Variants in VPS13B observed in about 807,000 individuals in gnomAD.
VPS13B encodes vacuolar protein sorting 13 homolog B.
In VPS13B, 285 loss-of-function variants were observed where a neutral mutation model predicts 426.4. That is an observed-to-expected ratio of 0.67 (90% CI 0.61 to 0.74). VPS13B has a LOEUF of 0.74. Among genes scored for constraint, VPS13B ranks in the 30% least tolerant of loss-of-function variants. VPS13B has a pLI of 0.00. For missense variants in VPS13B, 4,537 were observed against 4,782.6 expected (o/e 0.95, Z 1.51); for synonymous variants, 1,676 against 1,676.4 (o/e 1.00, Z 0.01).
intron 39 of VPS13B, among the ~76,000 whole-genome samples, chr8:99,740,413 A>G (rs1232172404): frequency 6.6e-6 from 1 of 152,254 alleles, no homozygotes; most frequent in African/African-American, 2.4e-5. Flanking sequence ...GATATTATCC[A>G]GGAGAACTTC....
At chr8:99,618,082 C>T (rs182877374) in intron 33 of VPS13B, among the ~76,000 whole-genome samples, 8 of 152,014 alleles carry the variant, frequency 5.3e-5, no homozygotes, top group African/African-American at 1.2e-4. Context: ...CAGTTTGCTC[C>T]GTCAGTACCA....
rs918426173 is a variant in VPS13B, at chr8:99,078,856, C to T, written c.292-17456C>T. Among the ~76,000 whole-genome samples the T allele has an allele frequency of 6.6e-5, 10 of 152,074 alleles. No individual in the cohort carries two copies. The South Asian group carries it at 2.1e-3, about 32-fold the overall frequency. ...CATAGGTGAGTGCTGGTGATAGTGG[C>T]AAACTGAGCAAGTTGGTATATAGGC... On this transcript the variant is annotated intron_variant, in intron 3 of 61. Transcript: ENST00000357162.
chr8:99,362,707 G>C (rs78359343), intron 19 of VPS13B, among the ~76,000 whole-genome samples: 3,319 of 152,244 alleles, frequency 0.022, 129 homozygotes, highest in African/African-American at 0.076. Flanking sequence ...TTAAAAATCT[G>C]TTCATCTGCT....
chr8:99,611,108 A>G (rs1827829981), intron 33 of VPS13B, among the ~76,000 whole-genome samples: 1 of 152,320 alleles, frequency 6.6e-6, no homozygotes, highest in African/African-American at 2.4e-5. Flanking sequence ...ATTCATTTGA[A>G]CAACTTAAAG....
chr8:99,249,391 A>G (rs1488933803), intron 17 of VPS13B, among the ~76,000 whole-genome samples: 1 of 150,936 alleles, frequency 6.6e-6, no homozygotes, highest in Non-Finnish European at 1.5e-5. Context: ...ACTAATGCCT[A>G]AGAGTACAGT....
intron 23 of VPS13B, among the ~76,000 whole-genome samples, chr8:99,456,228 G>A (rs1563739779): frequency 1.3e-5 from 2 of 152,084 alleles, no homozygotes; most frequent in African/African-American, 4.8e-5. Flanking sequence ...GAGTGTAGTG[G>A]CACAATCTCG....
At chr8:99,158,475 A>G (rs557332338) in intron 15 of VPS13B, among the ~76,000 whole-genome samples, 10 of 152,234 alleles carry the variant, frequency 6.6e-5, no homozygotes, top group African/African-American at 2.2e-4. Context: ...AGAGGTTGCA[A>G]TGAGCCAAGA....
At chr8:99,068,818 C>G (rs1353504873) in intron 3 of VPS13B, among the ~76,000 whole-genome samples, 3 of 152,156 alleles carry the variant, frequency 2.0e-5, no homozygotes, top group African/African-American at 7.2e-5. Context: ...AGTCACCTCC[C>G]ACCAGGTCCC....
intron 42 of VPS13B, among the ~76,000 whole-genome samples, chr8:99,781,865 T>A (rs1006785533): frequency 6.6e-6 from 1 of 152,156 alleles, no homozygotes; most frequent in Non-Finnish European, 1.5e-5. Context: ...CATATCCCTT[T>A]CTTCATGTCT....
chr8:99,128,293 A>G (rs1427299814), intron 8 of VPS13B, among the ~76,000 whole-genome samples: 1 of 145,846 alleles, frequency 6.9e-6, no homozygotes, highest in Non-Finnish European at 1.5e-5. Flanking sequence ...AGGCTGAAGC[A>G]GGAGAATTGC....
chr8:99,273,312 C>G (rs1031353916), intron 17 of VPS13B, among the ~76,000 whole-genome samples: 2 of 146,828 alleles, frequency 1.4e-5, no homozygotes, highest in East Asian at 4.0e-4. Flanking sequence ...GCGCATGCCA[C>G]CACGCCCAGC....
intron 43 of VPS13B, among the ~76,000 whole-genome samples, chr8:99,798,663 C>T (rs1271310604): frequency 3.9e-5 from 6 of 152,100 alleles, no homozygotes; most frequent in South Asian, 2.1e-4. Context: ...GCTGCTGGTG[C>T]GGCTAATGGT....
chr8:99,265,755 T>C (rs1818260745), intron 17 of VPS13B, among the ~76,000 whole-genome samples: 1 of 152,190 alleles, frequency 6.6e-6, no homozygotes, highest in Admixed American at 6.5e-5. Flanking sequence ...TTTTTAATTC[T>C]TATATTTCTG....
chr8:99,845,401 A>T (rs1372571102), intron 54 of VPS13B, among the ~76,000 whole-genome samples: 1 of 152,146 alleles, frequency 6.6e-6, no homozygotes, highest in Non-Finnish European at 1.5e-5. Context: ...ACTTCTCAAG[A>T]TTCTGAGGAA....
chr8:99,152,512 G>C (rs1488781661), intron 14 of VPS13B, among the ~76,000 whole-genome samples: 2 of 152,160 alleles, frequency 1.3e-5, no homozygotes, highest in Non-Finnish European at 2.9e-5. Flanking sequence ...ATTATATCTG[G>C]TTGATTATAA....
intron 19 of VPS13B, among the ~76,000 whole-genome samples, chr8:99,316,433 C>T (rs756651789): frequency 6.6e-6 from 1 of 152,108 alleles, no homozygotes; most frequent in Non-Finnish European, 1.5e-5. Flanking sequence ...GGCCTCAGGG[C>T]GTTTGGGACA....
At chr8:99,209,688 C>T (rs570581671) in intron 17 of VPS13B, 431 of 988,922 alleles carry the variant, frequency 4.4e-4, no homozygotes, top group Non-Finnish European at 4.7e-4. Flanking sequence ...ATTGGAGGCC[C>T]AAGCCACTGT....
intron 19 of VPS13B, among the ~76,000 whole-genome samples, chr8:99,299,467 T>G (rs890323785): frequency 6.6e-6 from 1 of 152,220 alleles, no homozygotes; most frequent in African/African-American, 2.4e-5. Flanking sequence ...GTAGTGCAGT[T>G]TTTTGGCAAA....
chr8:99,359,033 A>G (rs1241392961), intron 19 of VPS13B, among the ~76,000 whole-genome samples: 2 of 152,182 alleles, frequency 1.3e-5, no homozygotes, highest in African/African-American at 2.4e-5. Context: ...ACTCTAGTAG[A>G]TACAACTTTT....
Sources: allele counts gnomAD v4.1 joint callset (sites outside exome capture counted in the v4.1 genomes callset), GRCh38; gene constraint gnomAD v4.1.1; transcripts MANE v1.5; gene names NCBI Gene and HGNC (gene_info 2026-07-23, HGNC 2026-07-21).